Variants in INTU observed in about 807,000 individuals in gnomAD.
INTU encodes protein inturned.
In INTU, 68 loss-of-function variants were observed where a neutral mutation model predicts 100.5. The ratio of observed to expected loss-of-function variants is 0.68; its 90% CI spans 0.56 to 0.83. INTU has a LOEUF of 0.83. Ranked by LOEUF, INTU falls within the 40% of genes least tolerant of loss-of-function variation. The probability of loss-of-function intolerance (pLI) is 0.00; values close to 1 mark genes in which losing one functional copy is unlikely to be tolerated. For synonymous variants in INTU, 357 were observed against 395.7 expected (o/e 0.90, Z 1.16); for missense variants, 1,071 against 1,114.7 (o/e 0.96, Z 0.56).
At chr4:127,656,757 CATAAA>C (rs1258576982) in intron 3 of INTU, 36 bp downstream of exon 3, 13 of 1,314,632 alleles carry the variant, frequency 9.9e-6, no homozygotes, top group Non-Finnish European at 1.4e-5. Flanking sequence ...TATGATGTTA[CATAAA>C]ATAAATATAT....
chr4:127,687,701 T>C lies in INTU; in HGVS notation c.1283T>C (p.Val428Ala), dbSNP rs758440076. 1.9e-5 allele frequency: 31 copies of C among 1,612,044 alleles called. No homozygotes were observed. The Middle Eastern group carries it at 2.1e-3, about 111-fold the overall frequency. ...AGTGCCTTTTGCCAGATTGAGAATG[T>C]TCCTCGTTTGGATCATTTTTTTAAC... ...LDSAFCQIEN[V>A]PRLDHFFNLF... is the part of the protein sequence containing the mutation. Residue 428 changes from valine to alanine, a missense_variant, in exon 8 of 16, where the codon GTT (valine) becomes GCT (alanine). Coordinates refer to ENST00000335251, the MANE Select transcript of INTU (RefSeq NM_015693.4).
At chr4:127,684,054 G>A (rs1171122381) in intron 6 of INTU, among the ~76,000 whole-genome samples, 1 of 152,050 alleles carries the variant, frequency 6.6e-6, no homozygotes, top group Non-Finnish European at 1.5e-5. Flanking sequence ...ATGGGCCCAG[G>A]TCTTGTAAAA....
chr4:127,668,822 G>T (rs562493928), intron 4 of INTU, among the ~76,000 whole-genome samples: 1 of 151,398 alleles, frequency 6.6e-6, no homozygotes, highest in African/African-American at 2.4e-5. Flanking sequence ...GACTAATTTC[G>T]GCAGTCTCTA....
rs1200607636 is a variant in INTU at position 127,704,328 on chromosome 4, T to G, written c.1566+38T>G. ...TTGAAGTCTAAATGTCCAGCTGCTG[T>G]ATAAAGAGAACTAAATTTTCAAAAC... On this transcript the variant is annotated intron_variant, in intron 10 of 15. Transcript: ENST00000335251. The G allele has an allele frequency of 6.2e-6, 9 of 1,447,546 alleles. No individual in the cohort carries two copies. In the Admixed American group the frequency reaches 1.8e-4, roughly 28 times the overall value. 89.7% of individuals were successfully genotyped at this position (1,447,546 alleles called of 1,614,324 possible).
intron 13 of INTU, 57 bp downstream of exon 13, chr4:127,708,725 G>A (rs1288951451): frequency 6.0e-6 from 5 of 839,994 alleles, no homozygotes; most frequent in South Asian, 4.9e-5. Context: ...CAGTGAGAAA[G>A]TACAATTTTA....
At chr4:127,693,280 G>C (rs1335301335) in intron 8 of INTU, among the ~76,000 whole-genome samples, 1 of 152,072 alleles carries the variant, frequency 6.6e-6, no homozygotes, top group Admixed American at 6.6e-5. Context: ...AGTTTTCTTT[G>C]TAGAGGTCTT....
intron 7 of INTU, chr4:127,685,648 T>C (rs1460320883): frequency 7.0e-6 from 2 of 287,066 alleles, no homozygotes; most frequent in African/African-American, 2.2e-5. Context: ...CAATGAAGAG[T>C]AAGAATGTGG....
In INTU at chr4:127,700,064, G is replaced by A; in HGVS notation, c.1503+1G>A. On this transcript the variant is annotated splice_donor_variant, in intron 9 of 15. Transcript: ENST00000335251. LOFTEE classifies it high-confidence loss of function. ...GGAGGCTGCAGATTTTGCAGAACTG[G>A]TAAGGGAAGGAGTGGATTTTATAAA... is the stretch of plus-strand genomic sequence containing the variant. 1.2e-6 allele frequency: 2 copies of A among 1,602,732 alleles called. No homozygotes were observed. Among genetic ancestry groups the A allele is most frequent in the East Asian group, 2.3e-5 (1 of 44,420 alleles).
intron 1 of INTU, among the ~76,000 whole-genome samples, chr4:127,637,975 A>G (rs1411650379): frequency 1.3e-5 from 2 of 152,194 alleles, no homozygotes; most frequent in Admixed American, 6.5e-5. Context: ...GTTGCTTAGC[A>G]AGAAGAGCTT....
chr4:127,707,529 A>T (rs538576678), intron 12 of INTU, among the ~76,000 whole-genome samples: 2 of 152,242 alleles, frequency 1.3e-5, no homozygotes, highest in South Asian at 4.1e-4. Flanking sequence ...CCCTATTTGC[A>T]ATGACAACAG....
Position 127,684,432 on chromosome 4 carries a change from A to C in INTU, c.1205A>C (p.Asn402Thr). ...AEEVPLPRLRNMIENVIQTLK... is the reference protein window; with the variant it reads ...AEEVPLPRLRTMIENVIQTLK... The stretch of plus-strand genomic sequence containing the variant: ...AGAGTTCCTCTTCCTCGTCTAAGGA[A>C]CATGATAGAAAATGTCATCCAAACC... Residue 402 changes from asparagine (N) to threonine (T), a missense_variant, in exon 7 of 16, where the codon AAC becomes ACC. Transcript: ENST00000335251. The C allele has an allele frequency of 6.2e-7, 1 of 1,601,970 alleles. No homozygotes were observed. Among genetic ancestry groups the C allele is most frequent in the Non-Finnish European group, 8.5e-7 (1 of 1,173,144 alleles).
chr4:127,673,037 A>G (rs1410645092), intron 5 of INTU, among the ~76,000 whole-genome samples: 1 of 152,216 alleles, frequency 6.6e-6, no homozygotes, highest in African/African-American at 2.4e-5. Context: ...TCTGACTTAC[A>G]TTTTGGTTAC....
intron 1 of INTU, among the ~76,000 whole-genome samples, chr4:127,640,025 C>T (rs955555597): frequency 1.3e-5 from 2 of 152,118 alleles, no homozygotes; most frequent in African/African-American, 4.8e-5. Context: ...GTGTCACTAT[C>T]ACCTACCCTG....
chr4:127,665,862 G>A (rs947771724), intron 4 of INTU, among the ~76,000 whole-genome samples: 2 of 152,150 alleles, frequency 1.3e-5, no homozygotes, highest in African/African-American at 4.8e-5. Context: ...CATATGCAAG[G>A]AAGTAAGAAA....
intron 9 of INTU, among the ~76,000 whole-genome samples, chr4:127,702,651 A>G (rs1352496308): frequency 1.3e-5 from 2 of 152,204 alleles, no homozygotes. Flanking sequence ...TATGAAAATA[A>G]GGATCTATTC....
chr4:127,703,639 G>A (rs1459049), intron 9 of INTU, among the ~76,000 whole-genome samples: 92,544 of 151,914 alleles, frequency 0.61, 29,079 homozygotes, highest in African/African-American at 0.75. Context: ...TAACATATGT[G>A]TGATATTCTG....
chr4:127,690,806 A>T (rs1465207858), intron 8 of INTU, among the ~76,000 whole-genome samples: 1 of 152,076 alleles, frequency 6.6e-6, no homozygotes, highest in Non-Finnish European at 1.5e-5. Flanking sequence ...TCCCCACCAC[A>T]GGGGTACAGT....
At chr4:127,672,129 C>T (rs1460930926) in intron 5 of INTU, among the ~76,000 whole-genome samples, 1 of 152,156 alleles carries the variant, frequency 6.6e-6, no homozygotes, top group Non-Finnish European at 1.5e-5. Context: ...TGTACTTGTA[C>T]TCCCTAAATA....
At chr4:127,655,271 T>A (rs1728132766) in intron 2 of INTU, among the ~76,000 whole-genome samples, 1 of 152,236 alleles carries the variant, frequency 6.6e-6, no homozygotes, top group Non-Finnish European at 1.5e-5. Flanking sequence ...GGTGAGGAAC[T>A]GCGTTCCGTT....
Sources: allele counts gnomAD v4.1 joint callset (sites outside exome capture counted in the v4.1 genomes callset), GRCh38; gene constraint gnomAD v4.1.1; transcripts MANE v1.5; gene names NCBI Gene and HGNC (gene_info 2026-07-23, HGNC 2026-07-21).